TBC1D22B: variants seen among roughly 807,000 people sequenced by gnomAD.
TBC1D22B encodes the protein TBC1 domain family member 22B, also known as chromosome 6 open reading frame 197.
TBC1D22B carries 32 observed loss-of-function variants against 69.1 expected under a neutral mutation model. That is an observed-to-expected ratio of 0.46 (90% confidence interval 0.35 to 0.62). The LOEUF is 0.62. Among genes scored for constraint, TBC1D22B ranks in the 20% least tolerant of loss-of-function variants. TBC1D22B has a pLI of 0.00. For missense variants in TBC1D22B, 462 were observed against 630.9 expected (o/e 0.73, Z 2.87); for synonymous variants, 206 against 229.8 (o/e 0.90, Z 0.94).
intron 6 of TBC1D22B, 39 bp downstream of exon 6, chr6:37,284,503 T>A: frequency 1.3e-6 from 2 of 1,532,484 alleles, no homozygotes; most frequent in Non-Finnish European, 8.7e-7. Context: ...TTACCAGTCA[T>A]ATACTTTAGG....
chr6:37,325,015 A>G (rs907893132), intron 12 of TBC1D22B, among the ~76,000 whole-genome samples: 2 of 152,222 alleles, frequency 1.3e-5, no homozygotes, highest in Non-Finnish European at 2.9e-5. Flanking sequence ...ATGCCGTTAT[A>G]CTGATTATCT....
intron 12 of TBC1D22B, among the ~76,000 whole-genome samples, chr6:37,329,034 G>A (rs1043467648): frequency 9.2e-5 from 9 of 98,076 alleles, no homozygotes; most frequent in Admixed American, 7.8e-4. Context: ...GCCCAGAGTA[G>A]TTATTACTAA....
At chr6:37,290,869 GT>G (rs751414581) in intron 7 of TBC1D22B, among the ~76,000 whole-genome samples, 53 of 152,032 alleles carry the variant, frequency 3.5e-4, no homozygotes, top group Non-Finnish European at 5.9e-4. Flanking sequence ...GAACTGGGAT[GT>G]CCTGATATCT....
chr6:37,303,522 G>A (rs60144484), intron 8 of TBC1D22B, among the ~76,000 whole-genome samples: 4,828 of 152,084 alleles, frequency 0.032, 238 homozygotes, highest in African/African-American at 0.11. Context: ...TCTCACCCCC[G>A]GTTTTATCTC....
At chr6:37,327,305 C>CT (rs1175957568) in intron 12 of TBC1D22B, among the ~76,000 whole-genome samples, 2 of 135,860 alleles carry the variant, frequency 1.5e-5, no homozygotes, top group Non-Finnish European at 1.5e-5. Flanking sequence ...GGTGAAACCC[C>CT]GTCTCTACTA....
chr6:37,284,320 G>A lies in TBC1D22B; in HGVS notation c.673-16G>A, dbSNP rs747041325. ...ACCATTGTCTTTCCCCATCTGACCA[G>A]CAGTCTTGTCTATAGGGCTATCTCC... On this transcript the variant is annotated splice_polypyrimidine_tract_variant and intron_variant, in intron 5 of 12. Transcript: ENST00000373491. 20 of 1,613,952 alleles carry A rather than the reference G, an allele frequency of 1.2e-5. No homozygotes were observed. In the African/African-American group the frequency reaches 1.6e-4, roughly 13 times the overall value.
intron 8 of TBC1D22B, among the ~76,000 whole-genome samples, chr6:37,300,006 CAA>C (rs764261176): frequency 3.1e-4 from 24 of 77,062 alleles, no homozygotes; most frequent in Non-Finnish European, 2.8e-4. Context: ...GAGACTCTGT[CAA>C]AAAAAAAAAA....
intron 8 of TBC1D22B, among the ~76,000 whole-genome samples, chr6:37,311,148 TTATATA>T (rs1309832013): frequency 1.3e-5 from 2 of 151,142 alleles, no homozygotes; most frequent in Non-Finnish European, 2.9e-5. Flanking sequence ...ATTTAGCACT[TTATATA>T]TATTAACTGC....
At chr6:37,301,213 A>G (rs987635627) in intron 8 of TBC1D22B, among the ~76,000 whole-genome samples, 1 of 152,156 alleles carries the variant, frequency 6.6e-6, no homozygotes, top group South Asian at 2.1e-4. Flanking sequence ...TATAAATTAC[A>G]ATTTTTGTGG....
At chr6:37,267,394 T>C (rs372015342) in intron 1 of TBC1D22B, among the ~76,000 whole-genome samples, 15 of 104,910 alleles carry the variant, frequency 1.4e-4, no homozygotes, top group East Asian at 2.6e-4. Context: ...AATATATATA[T>C]ACACACATAT....
At chr6:37,278,171 A>G (rs1766722543) in intron 2 of TBC1D22B, among the ~76,000 whole-genome samples, 1 of 152,152 alleles carries the variant, frequency 6.6e-6, no homozygotes, top group Non-Finnish European at 1.5e-5. Flanking sequence ...GTGAAAAACC[A>G]AACAATCTTA....
intron 1 of TBC1D22B, 188 bp downstream of exon 1, chr6:37,258,161 G>T: frequency 1.5e-6 from 1 of 649,226 alleles, no homozygotes; most frequent in Non-Finnish European, 2.6e-6. Context: ...ACGGCTGGAT[G>T]TGGGTGTAGA....
chr6:37,324,176 T>G, intron 12 of TBC1D22B: 3 of 403,744 alleles, frequency 7.4e-6, no homozygotes, highest in South Asian at 5.4e-5. Context: ...TGCAAAGTGA[T>G]TCTAGATACA....
intron 1 of TBC1D22B, among the ~76,000 whole-genome samples, chr6:37,267,830 A>G (rs1043172580): frequency 2.6e-5 from 4 of 152,156 alleles, no homozygotes; most frequent in African/African-American, 4.8e-5. Flanking sequence ...TTAGGATTTA[A>G]TGTTAAACAG....
chr6:37,314,877 T>C (rs1295436663), intron 10 of TBC1D22B, among the ~76,000 whole-genome samples: 1 of 151,558 alleles, frequency 6.6e-6, no homozygotes, highest in African/African-American at 2.4e-5. Context: ...ATTTTATGAC[T>C]TAGCATTTCA....
At chr6:37,316,614 G>A in intron 10 of TBC1D22B, 89 bp from the exon 11 acceptor site, 1 of 1,515,614 alleles carries the variant, frequency 6.6e-7, no homozygotes, top group Non-Finnish European at 9.1e-7. Context: ...GGAGGGGGCA[G>A]TAAGAAGTGG....
At chr6:37,291,132 TC>T (rs1767165366) in intron 7 of TBC1D22B, 110 bp from the exon 8 acceptor site, 1 of 761,276 alleles carries the variant, frequency 1.3e-6, no homozygotes, top group Non-Finnish European at 2.3e-6. Context: ...CTTAAAATTT[TC>T]CTAAAAATTC....
At chr6:37,275,304 G>C (rs958473585) in intron 2 of TBC1D22B, among the ~76,000 whole-genome samples, 7 of 152,218 alleles carry the variant, frequency 4.6e-5, no homozygotes, top group African/African-American at 1.2e-4. Flanking sequence ...TAGGCTATGT[G>C]TGTCAGACCT....
chr6:37,288,384 T>C (rs1412300850), intron 7 of TBC1D22B, among the ~76,000 whole-genome samples: 1 of 152,204 alleles, frequency 6.6e-6, no homozygotes, highest in Non-Finnish European at 1.5e-5. Context: ...GCATGCTTAC[T>C]CTGAATTTGG....
Sources: gnomAD v4.1 joint callset for allele counts (sites outside exome capture counted in the v4.1 genomes callset) on GRCh38, gnomAD v4.1.1 for gene constraint, MANE v1.5 for transcripts, NCBI Gene and HGNC (gene_info 2026-07-23, HGNC 2026-07-21) for gene names.